Variants in PRAMEF11 observed in about 807,000 individuals in gnomAD.
PRAMEF11 encodes the protein PRAME family member 11.
In PRAMEF11, 17 loss-of-function variants were observed where a neutral mutation model predicts 33.6. That is an observed-to-expected ratio of 0.51 (90% CI 0.35 to 0.76). The LOEUF is 0.76. Among genes scored for constraint, PRAMEF11 ranks in the 30% least tolerant of loss-of-function variants. The pLI, the probability that PRAMEF11 is intolerant of heterozygous loss-of-function variation, is 0.01. For synonymous variants in PRAMEF11, 205 were observed against 227.3 expected, an observed-to-expected ratio of 0.90 and a Z score of 0.88; for missense variants, 568 against 567.0, an observed-to-expected ratio of 1.00 and a Z score of -0.02.
intron 1 of PRAMEF11, 136 bp downstream of exon 1, chr1:12,831,219 CA>C (rs1178889263): frequency 1.3e-5 from 2 of 150,888 alleles, no homozygotes; most frequent in African/African-American, 4.9e-5. Context: ...GGAAAAAATT[CA>C]AAGCTTCAAA....
intron 1 of PRAMEF11, among the ~76,000 whole-genome samples, chr1:12,829,119 A>G (rs1450564083): frequency 6.8e-6 from 1 of 146,576 alleles, no homozygotes; most frequent in Non-Finnish European, 1.5e-5. Flanking sequence ...ATTATTAATT[A>G]CTTAAGGTTC....
At chr1:12,831,034 T>A (rs1639995418) in intron 1 of PRAMEF11, among the ~76,000 whole-genome samples, 4 of 149,542 alleles carry the variant, frequency 2.7e-5, no homozygotes, top group African/African-American at 9.8e-5. Context: ...GAGGAGGGCT[T>A]TTGTCATGTT....
At chr1:12,829,137 A>G (rs1279515472) in intron 1 of PRAMEF11, among the ~76,000 whole-genome samples, 1 of 151,462 alleles carries the variant, frequency 6.6e-6, no homozygotes, top group Non-Finnish European at 1.5e-5. Context: ...TTCTAAAACA[A>G]TGGGAATGGG....
intron 1 of PRAMEF11, among the ~76,000 whole-genome samples, chr1:12,830,917 C>T (rs199878988): frequency 6.7e-6 from 1 of 150,058 alleles, no homozygotes; most frequent in African/African-American, 2.4e-5. Flanking sequence ...TGCTTGAACC[C>T]GGGAGGTAAA....
At position 12,826,548 on chromosome 1, in the gene PRAMEF11, A is replaced by T. The variant is rs538435251; in HGVS notation, c.875+701T>A. 6.6e-5 allele frequency among the ~76,000 whole-genome samples: 10 copies of T among 151,002 alleles called. 1 individual carries two copies. The South Asian group carries it at 2.1e-3, about 32-fold the overall frequency. ...AGTCCAAGGTGGGTGGATCACCTGA[A>T]ATCAGGGGTTGGAGAATAACCTGGC... is the stretch of plus-strand genomic sequence containing the variant. On this transcript the variant is annotated intron_variant, in intron 3 of 3. Coordinates refer to ENST00000619922, the MANE Select transcript of PRAMEF11 (RefSeq NM_001146344.3).
chr1:12,827,811 G>A lies in PRAMEF11; in HGVS notation c.313C>T (p.Leu105=), dbSNP rs945149347. The A allele has an allele frequency of 6.2e-7, 1 of 1,607,496 alleles. No homozygotes were observed. Among genetic ancestry groups the A allele is most frequent in the African/African-American group, 1.3e-5 (1 of 74,662 alleles). Residue 105 remains leucine (L), a synonymous_variant, in exon 3 of 4, where the codon CTG becomes TTG. Coordinates refer to ENST00000619922, the MANE Select transcript of PRAMEF11 (RefSeq NM_001146344.3). Reference sequence around the variant, plus strand: ...TTCTCACAGACATCCTGTAAATCCAGCACTTGAAGTTTCCATCTCCTGTGG... The same window carrying A: ...TTCTCACAGACATCCTGTAAATCCAACACTTGAAGTTTCCATCTCCTGTGG... ...VRPRRWKLQV[L]DLQDVCENFW...
Position 12,827,366 on chromosome 1 carries a change from T to C in PRAMEF11, c.758A>G (p.Glu253Gly), listed in dbSNP as rs1553160727. Residue 253 changes from glutamate (E) to glycine (G), a missense_variant, in exon 3 of 4, where the codon GAG becomes GGG. Glu to Gly is a moderately conservative substitution (Grantham distance 98). Coordinates refer to ENST00000619922, the MANE Select transcript of PRAMEF11 (RefSeq NM_001146344.3). ...HMDVSRYVSP[E>G]QKKEIVTQFT... ...CTGGGTAACAATCTCCTTCTTCTGCTCTGGGGAAACGTAGCGAGAGACATC... is the reference window on the plus strand; with the variant it reads ...CTGGGTAACAATCTCCTTCTTCTGCCCTGGGGAAACGTAGCGAGAGACATC... 2 of 1,582,110 alleles carry C rather than the reference T, an allele frequency of 1.3e-6. No individual in the cohort carries two copies. Among genetic ancestry groups the C allele is most frequent in the Non-Finnish European group, 1.7e-6 (2 of 1,162,344 alleles).
chr1:12,831,124 G>C (rs1270182005), intron 1 of PRAMEF11, among the ~76,000 whole-genome samples: 1 of 151,118 alleles, frequency 6.6e-6, no homozygotes, highest in African/African-American at 2.4e-5. Flanking sequence ...AAAGGCATGA[G>C]TCACTGCTCC....
chr1:12,827,595 T>C lies in PRAMEF11; in HGVS notation c.529A>G (p.Arg177Gly). The change falls in exon 3 of 4, where the codon AGA (arginine) becomes GGA (glycine). Residue 177 changes from arginine (R) to glycine (G), a missense_variant. Coordinates refer to ENST00000619922, the MANE Select transcript of PRAMEF11 (RefSeq NM_001146344.3). ...TTACAGCACAGGTGTAGTAAATCTC[T>C]CCTCTGCTTGACCCATAGAAGGAGG... is the stretch of plus-strand genomic sequence containing the variant. ...TCLLLWVKQR[R>G]DLLHLCCKKL... 1 of 1,609,484 alleles carries C rather than the reference T, an allele frequency of 6.2e-7. No individual in the cohort carries two copies. The highest frequency in any genetic ancestry group is 8.5e-7 in the Non-Finnish European group (1 of 1,177,646).
Position 12,827,419 on chromosome 1 carries a change from A to G in PRAMEF11, c.705T>C (p.Asn235=). The G allele has an allele frequency of 6.2e-7, 1 of 1,607,312 alleles. No homozygotes were observed. The highest frequency in any genetic ancestry group is 8.5e-7 in the Non-Finnish European group (1 of 1,177,916). The stretch of plus-strand genomic sequence containing the variant: ...TGTGGGAGAGAACGAGCTTCTGAAG[A>G]TTCCTCAAGTGGCCCAGGTATGGGG... ...QFTPYLGHLR[N]LQKLVLSHMD... Residue 235 remains asparagine, a synonymous_variant, in exon 3 of 4, where the codon AAT becomes AAC. Transcript: ENST00000619922.
At chr1:12,829,464 G>A (rs577621632) in intron 1 of PRAMEF11, among the ~76,000 whole-genome samples, 5 of 150,904 alleles carry the variant, frequency 3.3e-5, no homozygotes, top group South Asian at 2.1e-4. Flanking sequence ...TGTAGTGGTG[G>A]GATCTCAGCT....
chr1:12,830,284 C>T lies in PRAMEF11; in HGVS notation c.-17+1072G>A, dbSNP rs928443877. ...ATATATCCAAAGATCACCTAGGTGG[C>T]GTAATTCTTTTTGGTGTTGAGGGAG... On this transcript the variant is annotated intron_variant, in intron 1 of 3. Coordinates refer to ENST00000619922, the MANE Select transcript of PRAMEF11 (RefSeq NM_001146344.3). 1.5e-4 allele frequency among the ~76,000 whole-genome samples: 22 copies of T among 151,166 alleles called. 1 individual carries two copies. The highest frequency in any genetic ancestry group is 7.9e-4 in the East Asian group (4 of 5,056).
At position 12,824,991 on chromosome 1, in the gene PRAMEF11, T is replaced by C. The variant is rs541931298; in HGVS notation, c.1388A>G (p.His463Arg). The change falls in exon 4 of 4, where the codon CAT becomes CGT. Residue 463 changes from histidine to arginine, a missense_variant. His to Arg is a conservative substitution (Grantham distance 29, BLOSUM62 0). Around this residue, in one of 3 missense-constraint regions of PRAMEF11, gnomAD observed 174 missense variants for 127.2 expected, o/e 1.37. Coordinates refer to ENST00000619922, the MANE Select transcript of PRAMEF11 (RefSeq NM_001146344.3). The stretch of plus-strand genomic sequence containing the variant: ...CAGGTCATAAAATGACCTGTCGCCA[T>C]GGTCAGGGCAGTTGTCAGTACAGAA... ...ILFCTDNCPDHGDRSFYDLEA... is the reference protein window; with the variant it reads ...ILFCTDNCPDRGDRSFYDLEA... The C allele has an allele frequency of 1.6e-5, 25 of 1,609,564 alleles. No homozygotes were observed. The highest frequency in any genetic ancestry group is 1.7e-4 in the Middle Eastern group (1 of 6,048).
At position 12,828,748 on chromosome 1, in the gene PRAMEF11, A is replaced by G. The variant is rs370474145; in HGVS notation, c.42T>C (p.Leu14=). ...GGTCCCTCAGCAGGCTCCGCCCCGC[A>G]AGCTCCAGGAGTCTGGGTGGAATCC... ...SIRIPPRLLE[L]AGRSLLRDQA... Residue 14 remains leucine (L), a synonymous_variant, in exon 2 of 4, where the codon CTT becomes CTC. Coordinates refer to ENST00000619922, the MANE Select transcript of PRAMEF11 (RefSeq NM_001146344.3). 1.2e-6 allele frequency: 2 copies of G among 1,604,508 alleles called. No individual in the cohort carries two copies. Among genetic ancestry groups the G allele is most frequent in the Non-Finnish European group, 1.7e-6 (2 of 1,174,954 alleles).
At position 12,827,939 on chromosome 1, in the gene PRAMEF11, G is replaced by T; in HGVS notation, c.294-109C>A. On this transcript the variant is annotated intron_variant, in intron 2 of 3. Transcript: ENST00000619922. ...CTCCCTGCTTGTTGTCCCTCTCTCT[G>T]AGTTTTCTTCACCCTGTTTTCCCCT... The T allele has an allele frequency of 3.2e-6, 5 of 1,567,860 alleles. No individual in the cohort carries two copies. The South Asian group carries it at 4.6e-5, about 14-fold the overall frequency.
chr1:12,825,058 T>G lies in PRAMEF11; in HGVS notation c.1321A>C (p.Met441Leu), dbSNP rs773848382. The G allele has an allele frequency of 3.7e-6, 6 of 1,609,794 alleles. No homozygotes were observed. In the South Asian group the frequency reaches 5.5e-5, roughly 15 times the overall value. ...SRFAQIRAELMKKVRHLRHPK... is the reference protein window; with the variant it reads ...SRFAQIRAELLKKVRHLRHPK... ...TGCCTTAAGTGCCTCACTTTCTTCATCAGCTCAGCCCTAATTTGAGCAAAT... is the reference window on the plus strand; with the variant it reads ...TGCCTTAAGTGCCTCACTTTCTTCAGCAGCTCAGCCCTAATTTGAGCAAAT... Residue 441 changes from methionine (M) to leucine (L), a missense_variant, in exon 4 of 4, where the codon ATG becomes CTG. Physicochemically the swap from Met to Leu is conservative, Grantham distance 15 (BLOSUM62 2). Transcript: ENST00000619922.
rs200763230 is a variant in PRAMEF11, at chr1:12,825,420, G to A, written c.959C>T (p.Pro320Leu). Residue 320 changes from proline to leucine, a missense_variant, in exon 4 of 4, where the codon CCG becomes CTG. Around this residue, in one of 3 missense-constraint regions of PRAMEF11, gnomAD observed 52 missense variants for 127.8 expected, o/e 0.41. Coordinates refer to ENST00000619922, the MANE Select transcript of PRAMEF11 (RefSeq NM_001146344.3). ...CAGGGTCTTTAGTTGACTGATACTCGGGCACTGGGATAGATGCTTCAAGTC... is the reference window on the plus strand; with the variant it reads ...CAGGGTCTTTAGTTGACTGATACTCAGGCACTGGGATAGATGCTTCAAGTC... ...ESDLKHLSQC[P>L]SISQLKTLDL... The A allele has an allele frequency of 3.2e-5, 37 of 1,161,834 alleles. No homozygotes were observed. Among genetic ancestry groups the A allele is most frequent in the East Asian group, 1.2e-4 (5 of 40,124 alleles). 72.0% of individuals were successfully genotyped at this position (1,161,834 alleles called of 1,614,324 possible). A position where few individuals can be genotyped will look rare whatever the true frequency, so the allele number is the denominator to read the frequency against.
chr1:12,827,008 G>T lies in PRAMEF11; in HGVS notation c.875+241C>A, dbSNP rs147590378. Among the ~76,000 whole-genome samples, 139 of 147,922 alleles carry T rather than the reference G, an allele frequency of 9.4e-4. 1 individual carries two copies. The highest frequency in any genetic ancestry group is 3.5e-3 in the East Asian group (17 of 4,800). ...CTCACTAGATCTGAACCCCCCAGTA[G>T]CTAGCTTCCTAGCATGGCAGCCTCT... On this transcript the variant is annotated intron_variant, in intron 3 of 3. Coordinates refer to ENST00000619922, the MANE Select transcript of PRAMEF11 (RefSeq NM_001146344.3).
At chr1:12,829,711 A>G (rs72472667) in intron 1 of PRAMEF11, among the ~76,000 whole-genome samples, 1 of 151,214 alleles carries the variant, frequency 6.6e-6, no homozygotes, top group African/African-American at 2.4e-5. Flanking sequence ...CCCCAGCCTC[A>G]TTATTGAAAA....
Sources: allele counts gnomAD v4.1 joint callset (sites outside exome capture counted in the v4.1 genomes callset), GRCh38; gene constraint gnomAD v4.1.1; regional missense constraint gnomAD v4.1.1; transcripts MANE v1.5; gene names NCBI Gene and HGNC (gene_info 2026-07-23, HGNC 2026-07-21).